NPFFR2: variants seen among roughly 807,000 people sequenced by gnomAD.
The protein encoded by NPFFR2 is G-protein coupled receptor 74.
NPFFR2 carries 15 observed loss-of-function variants against 13.1 expected under a neutral mutation model. The ratio of observed to expected loss-of-function variants is 1.15; its 90% CI spans 0.77 to 1.76. The LOEUF is 1.76. Among genes scored for constraint, NPFFR2 ranks in the 40% most tolerant of loss-of-function variants. The pLI is 0.00. For missense variants in NPFFR2, 572 were observed against 503.5 expected (o/e 1.14, Z -1.30); for synonymous variants, 190 against 175.7 (o/e 1.08, Z -0.65).
At chr4:72,107,754 C>T (rs1721456657) in intron 1 of NPFFR2, among the ~76,000 whole-genome samples, 1 of 151,920 alleles carries the variant, frequency 6.6e-6, no homozygotes, top group Non-Finnish European at 1.5e-5. Context: ...AAACAGTTCT[C>T]ACTCCCAATA....
intron 1 of NPFFR2, among the ~76,000 whole-genome samples, chr4:72,041,892 G>C (rs1486251247): frequency 6.6e-6 from 1 of 152,050 alleles, no homozygotes; most frequent in African/African-American, 2.4e-5. Flanking sequence ...TTAGACCTTT[G>C]TTGGATGCAT....
intron 2 of NPFFR2, among the ~76,000 whole-genome samples, chr4:72,137,420 G>A (rs913212990): frequency 6.6e-6 from 1 of 152,048 alleles, no homozygotes; most frequent in Non-Finnish European, 1.5e-5. Flanking sequence ...AGTAGCTAAG[G>A]TTTAGTAGGA....
chr4:72,075,129 A>T (rs1187771966), intron 1 of NPFFR2, among the ~76,000 whole-genome samples: 1 of 152,120 alleles, frequency 6.6e-6, no homozygotes, highest in Non-Finnish European at 1.5e-5. Context: ...CACTTAATCT[A>T]GTGGGTGCAA....
In NPFFR2 at chr4:72,147,832, C is replaced by G; in HGVS notation, c.*20C>G. 1 of 1,459,814 alleles carries G rather than the reference C, an allele frequency of 6.9e-7. No homozygotes were observed. 90.4% of individuals were successfully genotyped at this position (1,459,814 alleles called of 1,614,324 possible). ...ATTTAAAAAGAGCTAGTGTGATAAT[C>G]CTAACTCTACTACGCATTATATATT... On this transcript the variant is annotated 3_prime_UTR_variant, in exon 4 of 4. Transcript: ENST00000308744.
chr4:72,135,625 G>A (rs1351677836), intron 2 of NPFFR2, among the ~76,000 whole-genome samples: 1 of 151,786 alleles, frequency 6.6e-6, no homozygotes, highest in African/African-American at 2.4e-5. Flanking sequence ...CATGTTTCAC[G>A]GACAAAGTGC....
intron 1 of NPFFR2, among the ~76,000 whole-genome samples, chr4:72,096,131 C>G (rs1366639964): frequency 6.6e-6 from 1 of 152,100 alleles, no homozygotes; most frequent in Non-Finnish European, 1.5e-5. Context: ...AACATTCCTT[C>G]CAATAATTCC....
intron 1 of NPFFR2, among the ~76,000 whole-genome samples, chr4:72,040,172 A>T (rs1485849666): frequency 6.6e-6 from 1 of 152,136 alleles, no homozygotes; most frequent in Non-Finnish European, 1.5e-5. Context: ...TGTATAGACA[A>T]TATATTTATT....
At chr4:72,039,005 C>T (rs1253546659) in intron 1 of NPFFR2, among the ~76,000 whole-genome samples, 3 of 144,322 alleles carry the variant, frequency 2.1e-5, no homozygotes, top group East Asian at 2.3e-4. Flanking sequence ...CCCGGGTTCG[C>T]GCCATTCTCC....
intron 1 of NPFFR2, among the ~76,000 whole-genome samples, chr4:72,067,521 G>GT (rs765964075): frequency 1.8e-4 from 28 of 152,210 alleles, no homozygotes; most frequent in Admixed American, 1.5e-3. Flanking sequence ...TATACCGTTG[G>GT]TTTTCTCTCC....
chr4:72,062,361 A>G (rs1719943651), intron 1 of NPFFR2, among the ~76,000 whole-genome samples: 1 of 152,174 alleles, frequency 6.6e-6, no homozygotes, highest in Admixed American at 6.6e-5. Flanking sequence ...ATGCCTCTAA[A>G]GGTTTGCTCC....
chr4:72,126,603 A>C (rs1240636446), intron 1 of NPFFR2, among the ~76,000 whole-genome samples: 1 of 152,182 alleles, frequency 6.6e-6, no homozygotes, highest in Admixed American at 6.5e-5. Flanking sequence ...CTATGCCTAG[A>C]CTGTTTGTAC....
intron 1 of NPFFR2, among the ~76,000 whole-genome samples, chr4:72,072,573 G>A (rs1310841745): frequency 1.3e-5 from 2 of 151,992 alleles, no homozygotes; most frequent in African/African-American, 2.4e-5. Flanking sequence ...GAGTCCTGTG[G>A]GACACCATCA....
intron 1 of NPFFR2, among the ~76,000 whole-genome samples, chr4:72,110,461 C>A (rs542586813): frequency 3.6e-4 from 54 of 152,032 alleles, no homozygotes; most frequent in African/African-American, 1.3e-3. Flanking sequence ...GCCCACTTCC[C>A]AAAGTATGCT....
chr4:72,116,436 A>T (rs1721715462), intron 1 of NPFFR2, among the ~76,000 whole-genome samples: 2 of 151,820 alleles, frequency 1.3e-5, no homozygotes, highest in Admixed American at 1.3e-4. Flanking sequence ...AAGGAAGGGG[A>T]TAAAGGGTGA....
intron 1 of NPFFR2, among the ~76,000 whole-genome samples, chr4:72,097,572 G>A (rs546622781): frequency 1.5e-4 from 23 of 152,230 alleles, no homozygotes; most frequent in African/African-American, 5.1e-4. Flanking sequence ...AACTACTGGA[G>A]ACTTTTCCTT....
chr4:72,121,693 G>A (rs886653898), intron 1 of NPFFR2, among the ~76,000 whole-genome samples: 5 of 152,112 alleles, frequency 3.3e-5, no homozygotes, highest in African/African-American at 1.2e-4. Context: ...TTACAGAGAA[G>A]CAAATGCTGA....
intron 1 of NPFFR2, among the ~76,000 whole-genome samples, chr4:72,053,277 C>G (rs537330413): frequency 4.0e-5 from 6 of 151,672 alleles, no homozygotes; most frequent in Non-Finnish European, 5.9e-5. Context: ...TTCTCAAGCT[C>G]CCAGATCTCC....
intron 1 of NPFFR2, among the ~76,000 whole-genome samples, chr4:72,124,831 C>G (rs188158303): frequency 3.3e-5 from 5 of 152,080 alleles, no homozygotes; most frequent in Non-Finnish European, 7.4e-5. Context: ...AGAAGAAAAC[C>G]TAGGCAATAC....
intron 1 of NPFFR2, among the ~76,000 whole-genome samples, chr4:72,062,354 C>G (rs998793264): frequency 1.9e-4 from 29 of 152,074 alleles, no homozygotes; most frequent in African/African-American, 6.5e-4. Flanking sequence ...AATTAAGATG[C>G]CTCTAAAGGT....
Sources: gnomAD v4.1 joint callset for allele counts (sites outside exome capture counted in the v4.1 genomes callset) on GRCh38, gnomAD v4.1.1 for gene constraint, MANE v1.5 for transcripts, NCBI Gene and HGNC (gene_info 2026-07-23, HGNC 2026-07-21) for gene names.